The following QTMAN variants were observed in gnomAD, a reference collection of about 807,000 sequenced individuals.
QTMAN encodes tRNA-queuosine alpha-mannosyltransferase.
chr2:144,074,285 T>C, the QTMAN span, among the ~76,000 whole-genome samples: 1 of 152,216 alleles, frequency 6.6e-6, no homozygotes, highest in South Asian at 2.1e-4. Context: ...AAAACTAATG[T>C]TACATAATAA....
the QTMAN span, among the ~76,000 whole-genome samples, chr2:144,254,539 A>T: frequency 6.6e-6 from 1 of 152,214 alleles, no homozygotes; most frequent in Non-Finnish European, 1.5e-5. Flanking sequence ...GCAGGGGTGG[A>T]GCACTCATGG....
At chr2:144,033,049 T>C in the QTMAN span, among the ~76,000 whole-genome samples, 1 of 152,218 alleles carries the variant, frequency 6.6e-6, no homozygotes. Context: ...TTTTGGCTTA[T>C]AAAATAATGG....
chr2:144,073,034 G>A, the QTMAN span, among the ~76,000 whole-genome samples: 1 of 151,938 alleles, frequency 6.6e-6, no homozygotes, highest in Non-Finnish European at 1.5e-5. Context: ...TGATTTCCCT[G>A]GGTGAGGTCT....
chr2:144,318,194 AACACACACACAC>A, the QTMAN span, among the ~76,000 whole-genome samples: 19 of 142,024 alleles, frequency 1.3e-4, no homozygotes, highest in East Asian at 2.1e-3. Context: ...TATTTAAATA[AACACACACACAC>A]ACACACACAC....
the QTMAN span, among the ~76,000 whole-genome samples, chr2:144,030,057 T>A: frequency 1.3e-5 from 2 of 152,188 alleles, no homozygotes; most frequent in South Asian, 4.1e-4. Flanking sequence ...TTTGTACAAA[T>A]ACTTTGTTAG....
chr2:144,075,582 G>A, the QTMAN span, among the ~76,000 whole-genome samples: 13 of 152,320 alleles, frequency 8.5e-5, no homozygotes, highest in Middle Eastern at 0.01. Flanking sequence ...CAAAGAAGTA[G>A]TGATAGGACT....
At chr2:143,949,568 T>A in the QTMAN span, among the ~76,000 whole-genome samples, 1 of 151,956 alleles carries the variant, frequency 6.6e-6, no homozygotes, top group Non-Finnish European at 1.5e-5. Flanking sequence ...TCAGTGACAT[T>A]CTATCCTTTT....
chr2:144,274,609 G>C, the QTMAN span, among the ~76,000 whole-genome samples: 1 of 152,226 alleles, frequency 6.6e-6, no homozygotes, highest in African/African-American at 2.4e-5. Flanking sequence ...CCAGGTTGCT[G>C]AATGCATAGA....
chr2:144,290,606 C>A, the QTMAN span, among the ~76,000 whole-genome samples: 3 of 152,210 alleles, frequency 2.0e-5, no homozygotes, highest in African/African-American at 7.2e-5. Context: ...CCAATCTGCC[C>A]ATGTTCACTG....
chr2:144,049,472 G>T, the QTMAN span, among the ~76,000 whole-genome samples: 2 of 152,126 alleles, frequency 1.3e-5, no homozygotes, highest in East Asian at 3.8e-4. Flanking sequence ...TCAATAAAAT[G>T]CAATGGCCAG....
At chr2:144,275,962 T>C in the QTMAN span, among the ~76,000 whole-genome samples, 1 of 152,190 alleles carries the variant, frequency 6.6e-6, no homozygotes, top group Non-Finnish European at 1.5e-5. Context: ...CTTAAATACA[T>C]ATTCCTCACA....
chr2:144,140,442 A>G, the QTMAN span, among the ~76,000 whole-genome samples: 4 of 152,068 alleles, frequency 2.6e-5, no homozygotes, highest in Non-Finnish European at 4.4e-5. Flanking sequence ...ACGTCAAAAT[A>G]TAAGGTTCAT....
the QTMAN span, among the ~76,000 whole-genome samples, chr2:144,056,368 C>T: frequency 7.2e-5 from 11 of 152,298 alleles, no homozygotes; most frequent in East Asian, 7.7e-4. Flanking sequence ...GATGAATGCA[C>T]CCTGAAGGTT....
At chr2:144,168,502 G>A in the QTMAN span, among the ~76,000 whole-genome samples, 3 of 152,100 alleles carry the variant, frequency 2.0e-5, no homozygotes, top group Non-Finnish European at 4.4e-5. Flanking sequence ...TCCGGTAGAG[G>A]GGGGTTAAAA....
the QTMAN span, among the ~76,000 whole-genome samples, chr2:144,119,341 C>G: frequency 1.3e-5 from 2 of 152,176 alleles, no homozygotes; most frequent in South Asian, 2.1e-4. Flanking sequence ...GAACTATTGC[C>G]TTTCTAAAAT....
chr2:144,232,769 C>A, the QTMAN span, among the ~76,000 whole-genome samples: 2 of 152,136 alleles, frequency 1.3e-5, no homozygotes, highest in Non-Finnish European at 2.9e-5. Context: ...AACATATTTA[C>A]ATTGTGAGGA....
chr2:144,172,322 A>G, the QTMAN span, among the ~76,000 whole-genome samples: 1 of 152,060 alleles, frequency 6.6e-6, no homozygotes. Context: ...AACTATCTGG[A>G]TAAAAGATTT....
chr2:144,332,175 C>G, the QTMAN span, among the ~76,000 whole-genome samples: 2 of 78 alleles, frequency 0.026, no homozygotes, highest in Non-Finnish European at 0.053. Flanking sequence ...CACAAAATGC[C>G]ACGGCGTGAC....
chr2:144,079,320 C>A, the QTMAN span, among the ~76,000 whole-genome samples: 1 of 152,070 alleles, frequency 6.6e-6, no homozygotes, highest in Admixed American at 6.5e-5. Flanking sequence ...CTCTAATTAT[C>A]CTATTTATAA....
Sources: allele counts gnomAD v4.1 joint callset (sites outside exome capture counted in the v4.1 genomes callset), GRCh38; gene constraint gnomAD v4.1.1; transcripts MANE v1.5; gene names NCBI Gene and HGNC (gene_info 2026-07-23, HGNC 2026-07-21).